Variants in ANO3 observed in about 807,000 individuals in gnomAD.
ANO3 encodes the protein anoctamin-3.
A neutral mutation model predicts 144.8 loss-of-function variants in ANO3; 99 were observed. The ratio of observed to expected loss-of-function variants is 0.68; its 90% CI spans 0.58 to 0.81. The LOEUF is 0.81. Ranked by LOEUF, ANO3 falls within the 30% of genes least tolerant of loss-of-function variation. The probability of loss-of-function intolerance (pLI) is 0.00; values close to 1 mark genes in which losing one functional copy is unlikely to be tolerated. For missense variants in ANO3, 905 were observed against 1,202.2 expected, an observed-to-expected ratio of 0.75 and a Z score of 3.66; for synonymous variants, 414 against 392.6, an observed-to-expected ratio of 1.05 and a Z score of -0.64.
chr11:26,612,815 T>G (rs571081386), intron 17 of ANO3, among the ~76,000 whole-genome samples: 1 of 152,118 alleles, frequency 6.6e-6, no homozygotes, highest in Non-Finnish European at 1.5e-5. Flanking sequence ...ACTTTAAATA[T>G]AACAACCCAT....
intron 1 of ANO3, among the ~76,000 whole-genome samples, chr11:26,217,010 T>C (rs1378276750): frequency 6.6e-6 from 1 of 152,090 alleles, no homozygotes; most frequent in East Asian, 1.9e-4. Context: ...TCCGAATCTG[T>C]AGCTTATGCT....
intron 1 of ANO3, among the ~76,000 whole-genome samples, chr11:26,387,663 C>G (rs1015693348): frequency 6.6e-6 from 1 of 151,918 alleles, no homozygotes; most frequent in Non-Finnish European, 1.5e-5. Context: ...GGTTTTTCCC[C>G]TCAATTCTCA....
intron 1 of ANO3, among the ~76,000 whole-genome samples, chr11:26,438,393 C>T (rs1286778570): frequency 6.6e-6 from 1 of 151,718 alleles, no homozygotes; most frequent in African/African-American, 2.4e-5. Context: ...TACAGGTCAC[C>T]TAGCTGACAG....
intron 1 of ANO3, among the ~76,000 whole-genome samples, chr11:26,421,252 G>A (rs1038443208): frequency 6.6e-6 from 1 of 151,986 alleles, no homozygotes; most frequent in Non-Finnish European, 1.5e-5. Flanking sequence ...CCACTAAAAT[G>A]GCTACATAGC....
intron 1 of ANO3, among the ~76,000 whole-genome samples, chr11:26,365,940 A>T (rs1590296132): frequency 6.8e-6 from 1 of 148,064 alleles, no homozygotes. Flanking sequence ...TCCTCTCCCC[A>T]AACCATTTTT....
At chr11:26,589,674 G>A (rs1345773150) in intron 14 of ANO3, among the ~76,000 whole-genome samples, 1 of 152,086 alleles carries the variant, frequency 6.6e-6, no homozygotes, top group African/African-American at 2.4e-5. Flanking sequence ...GGCATTTCAT[G>A]TAAGCAGATC....
chr11:26,531,308 G>A lies in ANO3; in HGVS notation c.841G>A (p.Gly281Ser), dbSNP rs1215212663. Residue 281 changes from glycine to serine, a missense_variant, in exon 8 of 27, where the codon GGC (glycine) becomes AGC (serine). Transcript: ENST00000256737. Reference protein sequence around the residue: ...PDLEESDCYTGPFSRARIHHF... With the variant: ...PDLEESDCYTSPFSRARIHHF... ...CCTAGAGGAGTCAGACTGCTATACT[G>A]GCCCCTTCAGCCGTGCACGGATTCA... The A allele has an allele frequency of 6.2e-7, 1 of 1,613,058 alleles. No homozygotes were observed. Among genetic ancestry groups the A allele is most frequent in the Non-Finnish European group, 8.5e-7 (1 of 1,179,548 alleles).
intron 1 of ANO3, among the ~76,000 whole-genome samples, chr11:26,316,382 T>C (rs1854625865): frequency 6.6e-6 from 1 of 152,218 alleles, no homozygotes; most frequent in Admixed American, 6.5e-5. Context: ...GAAGTAATTC[T>C]TTAACATATC....
chr11:26,412,429 G>A (rs1213307027), intron 1 of ANO3, among the ~76,000 whole-genome samples: 1 of 151,982 alleles, frequency 6.6e-6, no homozygotes, highest in African/African-American at 2.4e-5. Context: ...TGAGACCTGA[G>A]TAATATTTCA....
At chr11:26,191,893 A>C (rs1391759552) in intron 1 of ANO3, among the ~76,000 whole-genome samples, 2 of 152,114 alleles carry the variant, frequency 1.3e-5, no homozygotes, top group Non-Finnish European at 2.9e-5. Context: ...TTTCTATTAT[A>C]ACTATATAGT....
intron 4 of ANO3, among the ~76,000 whole-genome samples, chr11:26,500,879 G>C (rs1861167359): frequency 6.6e-6 from 1 of 152,032 alleles, no homozygotes. Context: ...AGTTGTAGCT[G>C]TAAAATAAGT....
At chr11:26,599,523 T>C (rs748890575) in intron 16 of ANO3, 27 bp from the exon 17 acceptor site, 2 of 1,596,622 alleles carry the variant, frequency 1.3e-6, no homozygotes, top group Non-Finnish European at 1.7e-6. Flanking sequence ...AAAATATGGA[T>C]GTTTTTTCTG....
At chr11:26,381,925 G>A (rs1856599923) in intron 1 of ANO3, among the ~76,000 whole-genome samples, 1 of 151,978 alleles carries the variant, frequency 6.6e-6, no homozygotes, top group South Asian at 2.1e-4. Context: ...TTTATCTCTT[G>A]AAAATATACC....
intron 1 of ANO3, among the ~76,000 whole-genome samples, chr11:26,419,180 G>A (rs536448988): frequency 3.0e-4 from 45 of 152,144 alleles, no homozygotes; most frequent in African/African-American, 1.0e-3. Flanking sequence ...AAGGGGAGGT[G>A]CTACACACTT....
chr11:26,431,653 G>A (rs1858094468), intron 1 of ANO3, among the ~76,000 whole-genome samples: 1 of 152,146 alleles, frequency 6.6e-6, no homozygotes, highest in African/African-American at 2.4e-5. Context: ...AGTGATGTTT[G>A]GTTTTCTGTT....
At chr11:26,420,117 T>G (rs1274617738) in intron 1 of ANO3, among the ~76,000 whole-genome samples, 1 of 152,114 alleles carries the variant, frequency 6.6e-6, no homozygotes, top group East Asian at 1.9e-4. Flanking sequence ...ACATTTTGAT[T>G]TTGCTAGTTA....
chr11:26,273,774 G>C (rs914840722), intron 1 of ANO3, among the ~76,000 whole-genome samples: 8 of 152,172 alleles, frequency 5.3e-5, no homozygotes, highest in Middle Eastern at 3.4e-3. Context: ...AAGATGACTT[G>C]ATGGAGATGA....
At chr11:26,406,997 TATATATATA>T (rs1857296256) in intron 1 of ANO3, among the ~76,000 whole-genome samples, 1 of 144,238 alleles carries the variant, frequency 6.9e-6, no homozygotes, top group Admixed American at 7.1e-5. Flanking sequence ...TATAGGTGTG[TATATATATA>T]GGTGTGTATA....
At chr11:26,308,427 T>C (rs1199007496), upstream of ANO3, among the ~76,000 whole-genome samples, 1 of 152,178 alleles carries the variant, frequency 6.6e-6, no homozygotes, top group Non-Finnish European at 1.5e-5. Flanking sequence ...ACTCTACTAT[T>C]ATAAATGAAG....
Sources: gnomAD v4.1 joint callset for allele counts (sites outside exome capture counted in the v4.1 genomes callset) on GRCh38, gnomAD v4.1.1 for gene constraint, MANE v1.5 for transcripts, NCBI Gene and HGNC (gene_info 2026-07-23, HGNC 2026-07-21) for gene names.